Variants in UGP2 observed in about 807,000 individuals in gnomAD.
UGP2 encodes the protein UTP--glucose-1-phosphate uridylyltransferase.
UGP2 carries 40 observed loss-of-function variants against 49.0 expected under a neutral mutation model. The observed-to-expected ratio is 0.82, with a 90% CI of 0.63 to 1.06. UGP2 has a LOEUF of 1.06. Among genes scored for constraint, UGP2 ranks in the 50% least tolerant of loss-of-function variants. The pLI is 0.00. For missense variants in UGP2, 460 were observed against 603.5 expected, an observed-to-expected ratio of 0.76 and a Z score of 2.49; for synonymous variants, 225 against 213.0, an observed-to-expected ratio of 1.06 and a Z score of -0.49.
upstream of UGP2, chr2:63,841,604 C>T (rs987317647): frequency 6.6e-6 from 1 of 152,346 alleles, no homozygotes; most frequent in Non-Finnish European, 1.5e-5. Context: ...GTAGCGCCTC[C>T]TAGTCCCAGG....
chr2:63,889,425 T>G (rs1443807591), intron 8 of UGP2: 1 of 151,840 alleles, frequency 6.6e-6, no homozygotes, highest in African/African-American at 2.4e-5. Flanking sequence ...GATGAACAAA[T>G]GGAGAGGCTG....
intron 3 of UGP2, among the ~76,000 whole-genome samples, chr2:63,861,687 C>CAAAA (rs34304544): frequency 2.2e-5 from 2 of 91,608 alleles, no homozygotes; most frequent in African/African-American, 8.6e-5. Flanking sequence ...GATCCTGTCT[C>CAAAA]AAAAAAAAAA....
chr2:63,889,630 CAAAG>C (rs971206505), intron 8 of UGP2: 2 of 152,918 alleles, frequency 1.3e-5, no homozygotes, highest in Admixed American at 1.3e-4. Flanking sequence ...AATAAAAAGA[CAAAG>C]ATGGTGATAA....
Position 63,885,572 on chromosome 2 carries a change from C to G in UGP2, c.576-17C>G. ...CTACAGGGTCAATATTGAAAAAGAACTTTTTTTTTTTTAAAGGTACCCGAG... is the reference window on the plus strand; with the variant it reads ...CTACAGGGTCAATATTGAAAAAGAAGTTTTTTTTTTTTAAAGGTACCCGAG... On this transcript the variant is annotated splice_polypyrimidine_tract_variant and intron_variant, in intron 5 of 9. Transcript: ENST00000337130. 9.1e-7 allele frequency: 1 copy of G among 1,102,336 alleles called. No homozygotes were observed. The highest frequency in any genetic ancestry group is 1.2e-6 in the Non-Finnish European group (1 of 807,666). 68.3% of individuals were successfully genotyped at this position (1,102,336 alleles called of 1,614,324 possible). A position where few individuals can be genotyped will look rare whatever the true frequency, so the allele number is the denominator to read the frequency against.
Position 63,882,529 on chromosome 2 carries a change from A to G in UGP2, c.319A>G (p.Lys107Glu). 6.2e-7 allele frequency: 1 copy of G among 1,613,086 alleles called. No homozygotes were observed. Residue 107 changes from lysine (K) to glutamate (E), a missense_variant, in exon 4 of 10, where the codon AAA becomes GAA. By Grantham distance (56) the Lys-to-Glu change is moderately conservative. Transcript: ENST00000337130. ...TGATAATATATCTTCCGTGTTGAAC[A>G]AACTAGTGGTGGTGAAACTCAATGG... ...LPDNISSVLNKLVVVKLNGGL... is the reference protein window; with the variant it reads ...LPDNISSVLNELVVVKLNGGL...
chr2:63,864,099 A>G (rs1670022224), intron 3 of UGP2, among the ~76,000 whole-genome samples: 1 of 152,178 alleles, frequency 6.6e-6, no homozygotes, highest in Non-Finnish European at 1.5e-5. Flanking sequence ...TGTGTATGCA[A>G]AGCTCTATAT....
In UGP2 at chr2:63,880,610, A is replaced by G. The variant is rs569385654; in HGVS notation, c.256-1856A>G. Among the ~76,000 whole-genome samples, 4 of 152,314 alleles carry G rather than the reference A, an allele frequency of 2.6e-5. No homozygotes were observed. In the South Asian group the frequency reaches 8.3e-4, roughly 32 times the overall value. ...ATTGGAAGTTTTTCTCTCCTAAGCA[A>G]TATTACCAGTTTCTTTGAAATGCTG... On this transcript the variant is annotated intron_variant, in intron 3 of 9. Transcript: ENST00000337130.
chr2:63,870,836 G>A (rs1670500233), intron 3 of UGP2, among the ~76,000 whole-genome samples: 1 of 152,178 alleles, frequency 6.6e-6, no homozygotes, highest in South Asian at 2.1e-4. Flanking sequence ...TTAGCAGACA[G>A]TTTGGAGACT....
intron 3 of UGP2, among the ~76,000 whole-genome samples, chr2:63,875,719 A>C (rs1670864710): frequency 6.6e-6 from 1 of 152,226 alleles, no homozygotes; most frequent in Admixed American, 6.5e-5. Context: ...AGAAGAGAAC[A>C]TGAGTGGCCT....
intron 1 of UGP2, among the ~76,000 whole-genome samples, chr2:63,845,508 T>G (rs1671864603): frequency 7.2e-6 from 1 of 139,528 alleles, no homozygotes; most frequent in Non-Finnish European, 1.6e-5. Context: ...CAGGCCTAGG[T>G]GTTATTATGT....
At position 63,884,099 on chromosome 2, in the gene UGP2, A is replaced by G; in HGVS notation, c.575+6A>G. 6.2e-7 allele frequency: 1 copy of G among 1,611,550 alleles called. No homozygotes were observed. Among genetic ancestry groups the G allele is most frequent in the African/African-American group, 1.3e-5 (1 of 74,936 alleles). On this transcript the variant is annotated splice_donor_region_variant and intron_variant, in intron 5 of 9. Transcript: ENST00000337130. Reference sequence around the variant, plus strand: ...TACACTTTCAATCAAAGCAGGTACAATGAGTAAAAAATTAACTCTGGGTAT... The same window carrying G: ...TACACTTTCAATCAAAGCAGGTACAGTGAGTAAAAAATTAACTCTGGGTAT...
At chr2:63,859,070 T>G (rs914156564) in intron 3 of UGP2, 1 of 151,674 alleles carries the variant, frequency 6.6e-6, no homozygotes, top group Non-Finnish European at 1.5e-5. Context: ...TCAAGGCTCA[T>G]TGCAGCCTCT....
chr2:63,846,699 G>A (rs75920868), intron 1 of UGP2, among the ~76,000 whole-genome samples: 84 of 152,288 alleles, frequency 5.5e-4, no homozygotes, highest in African/African-American at 2.0e-3. Flanking sequence ...AGGGGTCTCC[G>A]AGGAATACAG....
intron 3 of UGP2, among the ~76,000 whole-genome samples, chr2:63,877,749 T>C (rs1189018131): frequency 6.6e-6 from 1 of 150,966 alleles, no homozygotes; most frequent in Non-Finnish European, 1.5e-5. Context: ...ATCCCAGCAC[T>C]TGGGGAGGCC....
chr2:63,877,999 C>CAAAAAAAA (rs61669991), intron 3 of UGP2, among the ~76,000 whole-genome samples: 1 of 67,906 alleles, frequency 1.5e-5, no homozygotes. Flanking sequence ...GACTCCGTCT[C>CAAAAAAAA]AAAAAAAAAA....
chr2:63,855,414 A>G (rs1180372033), intron 1 of UGP2: 3 of 483,676 alleles, frequency 6.2e-6, no homozygotes, highest in Non-Finnish European at 1.2e-5. Flanking sequence ...AGTTGTCCCT[A>G]TTTTATGAGA....
At chr2:63,886,601 G>A in intron 7 of UGP2, 63 bp downstream of exon 7, 1 of 1,567,600 alleles carries the variant, frequency 6.4e-7, no homozygotes, top group East Asian at 2.3e-5. Flanking sequence ...GCTACACACA[G>A]ACCCCATCGC....
At chr2:63,868,830 C>T (rs369713663) in intron 3 of UGP2, among the ~76,000 whole-genome samples, 6 of 151,818 alleles carry the variant, frequency 4.0e-5, no homozygotes, top group Non-Finnish European at 2.9e-5. Flanking sequence ...AAAAATTAGC[C>T]GGGCGTGGTG....
At position 63,885,898 on chromosome 2, in the gene UGP2, G is replaced by A; in HGVS notation, c.873+12G>A. ...GTGCAGATGTAAAGGTAAATACCGA[G>A]AGGAAGCAGTTTAGGGCTTCATGTT... On this transcript the variant is annotated intron_variant, in intron 6 of 9. Coordinates refer to ENST00000337130, the MANE Select transcript of UGP2 (RefSeq NM_006759.4). The A allele has an allele frequency of 6.5e-7, 1 of 1,545,160 alleles. No homozygotes were observed. Among genetic ancestry groups the A allele is most frequent in the Non-Finnish European group, 8.7e-7 (1 of 1,150,620 alleles).
Sources: allele counts gnomAD v4.1 joint callset (sites outside exome capture counted in the v4.1 genomes callset), GRCh38; gene constraint gnomAD v4.1.1; transcripts MANE v1.5; gene names NCBI Gene and HGNC (gene_info 2026-07-23, HGNC 2026-07-21).